Variants in UBQLN2 observed in about 807,000 individuals in gnomAD.
UBQLN2 encodes the protein ubiquilin 2, also known as ubiquilin-2.
In UBQLN2, 2 loss-of-function variants were observed where a neutral mutation model predicts 22.2. The ratio of observed to expected loss-of-function variants is 0.09; its 90% CI spans 0.04 to 0.28. UBQLN2 has a LOEUF of 0.28. UBQLN2 is among the 10% of genes least tolerant of loss of function. UBQLN2 has a pLI of 1.00. For synonymous variants in UBQLN2, 252 were observed against 206.7 expected (o/e 1.22, Z -1.88); for missense variants, 446 against 505.1 (o/e 0.88, Z 1.12).
chrX:56,567,716 AT>A lies in UBQLN2; in HGVS notation c.*1970del, dbSNP rs1324205442. The A allele has an allele frequency of 8.1e-6, 1 of 122,976 alleles. No homozygotes were observed. Among genetic ancestry groups the A allele is most frequent in the African/African-American group, 3.3e-5 (1 of 30,722 alleles). 10.1% of individuals were successfully genotyped at this position (122,976 alleles called of 1,213,427 possible). ...ATTGAAATCTATTAATTTTAGAGAT[AT>A]TCATTTGATCCTTTTGAGTTTTTCC... On this transcript the variant is annotated 3_prime_UTR_variant, in exon 1 of 1. Transcript: ENST00000338222.
At position 56,565,825 on chromosome X, in the gene UBQLN2, A is replaced by G. The variant is rs967080709; in HGVS notation, c.*77A>G. On this transcript the variant is annotated 3_prime_UTR_variant, in exon 1 of 1. Coordinates refer to ENST00000338222, the MANE Select transcript of UBQLN2 (RefSeq NM_013444.4). Reference sequence around the variant, plus strand: ...TTAAATCTTTAAACACACACACAAAATCGTTCTTTACTTTCATTTTGATTC... The same window carrying G: ...TTAAATCTTTAAACACACACACAAAGTCGTTCTTTACTTTCATTTTGATTC... 1 of 972,215 alleles carries G rather than the reference A, an allele frequency of 1.0e-6. No homozygotes were observed. Among genetic ancestry groups the G allele is most frequent in the African/African-American group, 1.9e-5 (1 of 52,346 alleles). 80.1% of individuals were successfully genotyped at this position (972,215 alleles called of 1,213,427 possible).
Position 56,565,014 on chromosome X carries a change from C to G in UBQLN2, c.1141C>G (p.Gln381Glu). 1 of 1,211,920 alleles carries G rather than the reference C, an allele frequency of 8.3e-7. No individual in the cohort carries two copies. The change falls in exon 1 of 1, where the codon CAG (glutamine) becomes GAG (glutamate). Residue 381 changes from glutamine to glutamate, a missense_variant. Gln to Glu is a conservative substitution (Grantham distance 29, BLOSUM62 2). This residue lies in a region of UBQLN2 where 278 missense variants were observed against 279.4 expected (regional missense o/e 1.00). Coordinates refer to ENST00000338222, the MANE Select transcript of UBQLN2 (RefSeq NM_013444.4). ...SLLQQITENP[Q>E]LIQNMLSAPY... is the part of the protein sequence containing the mutation. ...GCTGCAACAGATAACTGAAAACCCC[C>G]AGCTGATTCAGAATATGCTGTCGGC... is the stretch of plus-strand genomic sequence containing the variant.
In UBQLN2 at chrX:56,566,447, GA is replaced by G. The variant is rs2068643037; in HGVS notation, c.*702del. The stretch of plus-strand genomic sequence containing the variant: ...AGTGTAATATGTGTAACCAAAATGA[GA>G]AAGAATACAAGAAATGTTTCTGGAG... On this transcript the variant is annotated 3_prime_UTR_variant, in exon 1 of 1. Coordinates refer to ENST00000338222, the MANE Select transcript of UBQLN2 (RefSeq NM_013444.4). The G allele has an allele frequency of 2.4e-5, 3 of 123,408 alleles. No individual in the cohort carries two copies. Among genetic ancestry groups the G allele is most frequent in the South Asian group, 3.7e-4 (1 of 2,722 alleles). 10.2% of individuals were successfully genotyped at this position (123,408 alleles called of 1,213,427 possible).
chrX:56,566,884 C>A lies in UBQLN2; in HGVS notation c.*1136C>A, dbSNP rs928996064. 3 of 122,467 alleles carry A rather than the reference C, an allele frequency of 2.4e-5. No homozygotes were observed. In the Admixed American group the frequency reaches 2.9e-4, roughly 12 times the overall value. The allele number at this position is 122,467 out of a possible 1,213,427, so 10.1% of individuals were successfully genotyped here. On this transcript the variant is annotated 3_prime_UTR_variant, in exon 1 of 1. Transcript: ENST00000338222. ...TGTCTTTTGACTTCATCAGTTATTT[C>A]TCTTGTGCACAGAGAAAAATGCATT...
Position 56,567,393 on chromosome X carries a change from C to T in UBQLN2, c.*1645C>T, listed in dbSNP as rs1470151879. 1 of 122,671 alleles carries T rather than the reference C, an allele frequency of 8.2e-6. No homozygotes were observed. Among genetic ancestry groups the T allele is most frequent in the Non-Finnish European group, 1.9e-5 (1 of 53,009 alleles). The allele number at this position is 122,671 out of a possible 1,213,427, so 10.1% of individuals were successfully genotyped here. A position where few individuals can be genotyped will look rare whatever the true frequency, so the allele number is the denominator to read the frequency against. On this transcript the variant is annotated 3_prime_UTR_variant, in exon 1 of 1. Coordinates refer to ENST00000338222, the MANE Select transcript of UBQLN2 (RefSeq NM_013444.4). Reference sequence around the variant, plus strand: ...ATTTTACAGTTAATAGATTCTTCCCCCAAAAATATATTGAGAATTTGGTTG... The same window carrying T: ...ATTTTACAGTTAATAGATTCTTCCCTCAAAAATATATTGAGAATTTGGTTG...
chrX:56,565,454 C>T lies in UBQLN2; in HGVS notation c.1581C>T (p.Ser527=). The T allele has an allele frequency of 5.0e-6, 6 of 1,197,880 alleles. No individual in the cohort carries two copies. Among genetic ancestry groups the T allele is most frequent in the Non-Finnish European group, 6.8e-6 (6 of 888,043 alleles). The change falls in exon 1 of 1, where the codon TCC becomes TCT. Residue 527 remains serine, a synonymous_variant. Coordinates refer to ENST00000338222, the MANE Select transcript of UBQLN2 (RefSeq NM_013444.4). ...CTGGCCCTGCAGCCCCCCCTGGCTC[C>T]ACCGGCTCTGGTGGCCCCACGGGGC... ...GPTGPAAPPG[S]TGSGGPTGPT...
rs1160147943 is a variant in UBQLN2, at chrX:56,564,719, C to T, written c.846C>T (p.Ala282=). 3 of 1,209,522 alleles carry T rather than the reference C, an allele frequency of 2.5e-6. No homozygotes were observed. Among genetic ancestry groups the T allele is most frequent in the Non-Finnish European group, 3.4e-6 (3 of 895,079 alleles). Residue 282 remains alanine (A), a synonymous_variant, in exon 1 of 1, where the codon GCC becomes GCT. Coordinates refer to ENST00000338222, the MANE Select transcript of UBQLN2 (RefSeq NM_013444.4). ...YTDIQEPMLN[A]AQEQFGGNPF... ...ACATTCAAGAGCCGATGCTGAATGC[C>T]GCACAAGAGCAGTTTGGGGGTAATC... is the stretch of plus-strand genomic sequence containing the variant.
At position 56,567,797 on chromosome X, in the gene UBQLN2, TATAAC is replaced by T. The variant is rs2068649509; in HGVS notation, c.*2054_*2058del. 1.6e-5 allele frequency: 2 copies of T among 123,175 alleles called. No individual in the cohort carries two copies. Among genetic ancestry groups the T allele is most frequent in the Non-Finnish European group, 3.8e-5 (2 of 53,206 alleles). The allele number at this position is 123,175 out of a possible 1,213,427, so 10.2% of individuals were successfully genotyped here. A position where few individuals can be genotyped will look rare whatever the true frequency, so the allele number is the denominator to read the frequency against. The stretch of plus-strand genomic sequence containing the variant: ...ATTATATGTTTTCCTTTTCAAAATT[TATAAC>T]ATAATTTCTGACTGCATGGGTTAAA... On this transcript the variant is annotated 3_prime_UTR_variant, in exon 1 of 1. Transcript: ENST00000338222.
Position 56,566,953 on chromosome X carries a change from T to A in UBQLN2, c.*1205T>A, listed in dbSNP as rs1038875280. 3 of 123,313 alleles carry A rather than the reference T, an allele frequency of 2.4e-5. No individual in the cohort carries two copies. The highest frequency in any genetic ancestry group is 5.6e-5 in the Non-Finnish European group (3 of 53,129). The allele number at this position is 123,313 out of a possible 1,213,427, so 10.2% of individuals were successfully genotyped here. A position where few individuals can be genotyped will look rare whatever the true frequency, so the allele number is the denominator to read the frequency against. On this transcript the variant is annotated 3_prime_UTR_variant, in exon 1 of 1. Coordinates refer to ENST00000338222, the MANE Select transcript of UBQLN2 (RefSeq NM_013444.4). ...TAAAAAATTAAAAAATGGATAAATC[T>A]TTTCTTTTTGCCTTTTGGCCCTAGG... is the stretch of plus-strand genomic sequence containing the variant.
In UBQLN2 at chrX:56,564,159, C is replaced by A. The variant is rs747036914; in HGVS notation, c.286C>A (p.Leu96Met). Residue 96 changes from leucine (L) to methionine (M), a missense_variant, in exon 1 of 1, where the codon CTG (leucine) becomes ATG (methionine). By Grantham distance (15) the Leu-to-Met change is conservative (BLOSUM62 2). Transcript: ENST00000338222. ...GATCCAGCATGGCATCCATGATGGG[C>A]TGACTGTTCACCTTGTCATCAAAAG... ...TLIQHGIHDG[L>M]TVHLVIKSQN... is the part of the protein sequence containing the mutation. The A allele has an allele frequency of 3.3e-6, 4 of 1,209,980 alleles. No homozygotes were observed. Among genetic ancestry groups the A allele is most frequent in the Non-Finnish European group, 4.5e-6 (4 of 894,890 alleles).
chrX:56,565,319 G>A lies in UBQLN2; in HGVS notation c.1446G>A (p.Val482=), dbSNP rs1488404463. Reference sequence around the variant, plus strand: ...CGAGCTTCACTCCAGGTGTGGGGGTGGGGGTGCTGGGAACCGCTATAGGCC... The same window carrying A: ...CGAGCTTCACTCCAGGTGTGGGGGTAGGGGTGCTGGGAACCGCTATAGGCC... ...LIPSFTPGVG[V]GVLGTAIGPV... The change falls in exon 1 of 1, where the codon GTG becomes GTA. Residue 482 remains valine (V), a synonymous_variant. Coordinates refer to ENST00000338222, the MANE Select transcript of UBQLN2 (RefSeq NM_013444.4). The A allele has an allele frequency of 1.7e-6, 2 of 1,210,833 alleles. No individual in the cohort carries two copies. The highest frequency in any genetic ancestry group is 1.7e-5 in the African/African-American group (1 of 57,852).
rs1184980400 is a variant in UBQLN2, at chrX:56,563,999, G to C, written c.126G>C (p.Glu42Asp). ...AAGTCACGGTGAAGACTCCCAAAGAGAAAGAGGAGTTCGCGGTGCCCGAGA... is the reference window on the plus strand; with the variant it reads ...AAGTCACGGTGAAGACTCCCAAAGACAAAGAGGAGTTCGCGGTGCCCGAGA... The part of the protein sequence containing the change: ...IIKVTVKTPK[E>D]KEEFAVPENS... Residue 42 changes from glutamate (E) to aspartate (D), a missense_variant, in exon 1 of 1, where the codon GAG becomes GAC. Transcript: ENST00000338222. 1 of 1,174,694 alleles carries C rather than the reference G, an allele frequency of 8.5e-7. No homozygotes were observed. The highest frequency in any genetic ancestry group is 1.9e-5 in the South Asian group (1 of 53,310).
At position 56,563,815 on chromosome X, in the gene UBQLN2, C is replaced by A; in HGVS notation, c.-59C>A. ...GTGCCTCCTTCCTTCCTCCTTCCCTCGCGCTCTCTCTTTCGCCCGCCCGCG... is the reference window on the plus strand; with the variant it reads ...GTGCCTCCTTCCTTCCTCCTTCCCTAGCGCTCTCTCTTTCGCCCGCCCGCG... On this transcript the variant is annotated 5_prime_UTR_variant, in exon 1 of 1. Coordinates refer to ENST00000338222, the MANE Select transcript of UBQLN2 (RefSeq NM_013444.4). The A allele has an allele frequency of 1.1e-6, 1 of 945,134 alleles. No homozygotes were observed. Among genetic ancestry groups the A allele is most frequent in the South Asian group, 2.4e-5 (1 of 42,250 alleles). The allele number at this position is 945,134 out of a possible 1,213,427, so 77.9% of individuals were successfully genotyped here.
chrX:56,566,651 TTGAC>T lies in UBQLN2; in HGVS notation c.*906_*909del, dbSNP rs1024394596. 1 of 123,607 alleles carries T rather than the reference TTGAC, an allele frequency of 8.1e-6. No homozygotes were observed. The highest frequency in any genetic ancestry group is 3.2e-5 in the African/African-American group (1 of 30,929). 10.2% of individuals were successfully genotyped at this position (123,607 alleles called of 1,213,427 possible). ...GTAACATTGTGTCAACATTTGCAGA[TTGAC>T]TGTATATGACCTTAATCTTTGTGCA... On this transcript the variant is annotated 3_prime_UTR_variant, in exon 1 of 1. Coordinates refer to ENST00000338222, the MANE Select transcript of UBQLN2 (RefSeq NM_013444.4).
chrX:56,565,859 C>G lies in UBQLN2; in HGVS notation c.*111C>G. 1 of 817,628 alleles carries G rather than the reference C, an allele frequency of 1.2e-6. No homozygotes were observed. The highest frequency in any genetic ancestry group is 2.3e-5 in the South Asian group (1 of 44,066). 67.4% of individuals were successfully genotyped at this position (817,628 alleles called of 1,213,427 possible). A position where few individuals can be genotyped will look rare whatever the true frequency, so the allele number is the denominator to read the frequency against. ...TACTTTCATTTTGATTCTTTTAAAT[C>G]TGTCTAGTTGTAAGTCTAATATGAT... is the stretch of plus-strand genomic sequence containing the variant. On this transcript the variant is annotated 3_prime_UTR_variant, in exon 1 of 1. Coordinates refer to ENST00000338222, the MANE Select transcript of UBQLN2 (RefSeq NM_013444.4).
In UBQLN2 at chrX:56,564,912, A is replaced by G; in HGVS notation, c.1039A>G (p.Ser347Gly). ...STGSGSGNSS[S>G]NATGNTVAAA... ...TGGTAGTGGGTCTGGCAATAGTTCC[A>G]GCAATGCTACTGGGAACACCGTTGC... The change falls in exon 1 of 1, where the codon AGC (serine) becomes GGC (glycine). Residue 347 changes from serine to glycine, a missense_variant. Transcript: ENST00000338222. The G allele has an allele frequency of 8.3e-7, 1 of 1,211,188 alleles. No homozygotes were observed. Among genetic ancestry groups the G allele is most frequent in the Non-Finnish European group, 1.1e-6 (1 of 895,179 alleles).
chrX:56,565,125 G>A lies in UBQLN2; in HGVS notation c.1252G>A (p.Ala418Thr), dbSNP rs747792997. Residue 418 changes from alanine to threonine, a missense_variant, in exon 1 of 1, where the codon GCA (alanine) becomes ACA (threonine). By Grantham distance (58) the Ala-to-Thr change is moderately conservative (BLOSUM62 0). This residue lies in a region of UBQLN2 where 278 missense variants were observed against 279.4 expected (regional missense o/e 1.00). Transcript: ENST00000338222. ...GATGCTGAATAGCCCGCTGTTTACT[G>A]CAAATCCTCAGCTGCAGGAGCAGAT... Reference protein sequence around the residue: ...QMMLNSPLFTANPQLQEQMRP... With the variant: ...QMMLNSPLFTTNPQLQEQMRP... 4 of 1,210,636 alleles carry A rather than the reference G, an allele frequency of 3.3e-6. No homozygotes were observed. In the African/African-American group the frequency reaches 7.0e-5, roughly 21 times the overall value.
Position 56,564,756 on chromosome X carries a change from G to C in UBQLN2, c.883G>C (p.Val295Leu), listed in dbSNP as rs776668080. Residue 295 changes from valine (V) to leucine (L), a missense_variant, in exon 1 of 1, where the codon GTG (valine) becomes CTG (leucine). By Grantham distance (32) the Val-to-Leu change is conservative (BLOSUM62 1). This residue lies in a region of UBQLN2 where 278 missense variants were observed against 279.4 expected (regional missense o/e 1.00). Coordinates refer to ENST00000338222, the MANE Select transcript of UBQLN2 (RefSeq NM_013444.4). ...EQFGGNPFAS[V>L]GSSSSSGEGT... ...GTTTGGGGGTAATCCATTTGCCTCC[G>C]TGGGGAGTAGTTCCTCCTCTGGGGA... is the stretch of plus-strand genomic sequence containing the variant. The C allele has an allele frequency of 8.3e-7, 1 of 1,209,396 alleles. No individual in the cohort carries two copies. Among genetic ancestry groups the C allele is most frequent in the South Asian group, 1.8e-5 (1 of 56,708 alleles).
At position 56,564,279 on chromosome X, in the gene UBQLN2, A is replaced by G. The variant is rs758149486; in HGVS notation, c.406A>G (p.Ile136Val). ...ASTPRSNSTP[I>V]STNSNPFGLG... ...GACTCCCAGGAGTAACTCCACACCT[A>G]TTTCCACAAATAGCAACCCGTTTGG... Residue 136 changes from isoleucine to valine, a missense_variant, in exon 1 of 1, where the codon ATT becomes GTT. Around this residue, in one of 3 missense-constraint regions of UBQLN2, gnomAD observed 129 missense variants for 198.1 expected, o/e 0.65. Transcript: ENST00000338222. 17 of 1,208,864 alleles carry G rather than the reference A, an allele frequency of 1.4e-5. No homozygotes were observed. The South Asian group carries it at 2.1e-4, about 15-fold the overall frequency.
Sources: gnomAD v4.1 joint callset for allele counts on GRCh38, gnomAD v4.1.1 for gene constraint, gnomAD v4.1.1 regional missense constraint, MANE v1.5 for transcripts, NCBI Gene and HGNC (gene_info 2026-07-23, HGNC 2026-07-21) for gene names.